Variants in CUL5 observed in about 807,000 individuals in gnomAD.
CUL5 encodes the protein cullin 5.
A neutral mutation model predicts 108.8 loss-of-function variants in CUL5; 26 were observed. The ratio of observed to expected loss-of-function variants is 0.24; its 90% CI spans 0.18 to 0.33. The LOEUF (loss-of-function observed/expected upper bound fraction) is 0.33, where lower values mean the gene tolerates loss of function less well. Ranked by LOEUF, CUL5 falls within the 10% of genes least tolerant of loss-of-function variation. The pLI is 1.00. For synonymous variants in CUL5, 334 were observed against 298.0 expected (o/e 1.12, Z -1.25); for missense variants, 524 against 909.2 (o/e 0.58, Z 5.45).
rs937722588 is a variant in CUL5 at position 108,020,543 on chromosome 11, T to TG, written c.24+11171_24+11172insG. Among the ~76,000 whole-genome samples the TG allele has an allele frequency of 1.9e-3, 285 of 151,326 alleles. 1 individual carries two copies. The highest frequency in any genetic ancestry group is 0.011 in the East Asian group (57 of 5,152). On this transcript the variant is annotated intron_variant, in intron 1 of 18. Transcript: ENST00000393094. ...AGCTGAATGTGTTTGTGATTTTTTT[T>TG]TTTTTGTTTTTTGTTTAAAATAGAG...
intron 13 of CUL5, among the ~76,000 whole-genome samples, chr11:108,092,672 A>G (rs929657421): frequency 1.3e-5 from 2 of 152,226 alleles, no homozygotes; most frequent in Non-Finnish European, 2.9e-5. Flanking sequence ...AGTTGGGGCC[A>G]GGAGGGGAAA....
At chr11:108,073,788 C>T (rs1478398421) in intron 10 of CUL5, 1 of 174,954 alleles carries the variant, frequency 5.7e-6, no homozygotes, top group Non-Finnish European at 1.2e-5. Flanking sequence ...TCCTATTCAT[C>T]CTTCCATTAA....
At chr11:108,046,999 C>T (rs1435123743) in intron 3 of CUL5, among the ~76,000 whole-genome samples, 3 of 152,004 alleles carry the variant, frequency 2.0e-5, no homozygotes, top group Admixed American at 6.6e-5. Context: ...ACCCTAAGGA[C>T]GTGAGATTAT....
intron 2 of CUL5, among the ~76,000 whole-genome samples, chr11:108,037,010 A>T (rs1565239764): frequency 6.6e-6 from 1 of 152,000 alleles, no homozygotes; most frequent in Non-Finnish European, 1.5e-5. Context: ...TGATCTTGCT[A>T]TTATTTTTTC....
intron 13 of CUL5, among the ~76,000 whole-genome samples, chr11:108,093,548 A>G (rs1864410391): frequency 6.6e-6 from 1 of 151,840 alleles, no homozygotes; most frequent in Non-Finnish European, 1.5e-5. Flanking sequence ...GTTTACTTTT[A>G]TATCTTTGCC....
chr11:108,102,403 T>C (rs1864694930), intron 18 of CUL5, among the ~76,000 whole-genome samples: 1 of 152,192 alleles, frequency 6.6e-6, no homozygotes, highest in Admixed American at 6.5e-5. Context: ...CTCAGCTCAC[T>C]GCAACCTCTG....
intron 11 of CUL5, among the ~76,000 whole-genome samples, chr11:108,080,349 A>G (rs1008610545): frequency 6.6e-6 from 1 of 152,030 alleles, no homozygotes. Flanking sequence ...TCAGCCTCCC[A>G]AAGTGTTGAG....
At chr11:108,042,674 C>T (rs1049240639) in intron 2 of CUL5, among the ~76,000 whole-genome samples, 2 of 152,132 alleles carry the variant, frequency 1.3e-5, no homozygotes, top group African/African-American at 4.8e-5. Flanking sequence ...TCTCACTCAC[C>T]CTTACCCTGT....
At chr11:108,012,416 C>T (rs1237744457) in intron 1 of CUL5, among the ~76,000 whole-genome samples, 1 of 151,638 alleles carries the variant, frequency 6.6e-6, no homozygotes, top group Non-Finnish European at 1.5e-5. Flanking sequence ...TTTCTTGTTT[C>T]TCCTATGTTC....
At chr11:108,069,189 C>A (rs763961160) in intron 7 of CUL5, among the ~76,000 whole-genome samples, 1 of 152,132 alleles carries the variant, frequency 6.6e-6, no homozygotes, top group Admixed American at 6.5e-5. Context: ...CCTAGGAGTT[C>A]AAGGCTGTAG....
chr11:108,042,674 C>G (rs1049240639), intron 2 of CUL5, among the ~76,000 whole-genome samples: 1 of 152,132 alleles, frequency 6.6e-6, no homozygotes, highest in South Asian at 2.1e-4. Context: ...TCTCACTCAC[C>G]CTTACCCTGT....
At chr11:108,076,926 G>A (rs957728441) in intron 10 of CUL5, among the ~76,000 whole-genome samples, 5 of 152,212 alleles carry the variant, frequency 3.3e-5, no homozygotes, top group Non-Finnish European at 7.3e-5. Context: ...GTTGCAGAGA[G>A]ATCAGAAACT....
intron 7 of CUL5, among the ~76,000 whole-genome samples, chr11:108,065,835 C>G (rs1863663632): frequency 6.6e-6 from 1 of 151,856 alleles, no homozygotes; most frequent in African/African-American, 2.4e-5. Context: ...TTTGGTGTTC[C>G]TGCAGGAGGA....
chr11:108,052,053 C>A (rs1162058463), intron 4 of CUL5, among the ~76,000 whole-genome samples: 1 of 152,062 alleles, frequency 6.6e-6, no homozygotes, highest in Non-Finnish European at 1.5e-5. Context: ...GCAGCCTTGC[C>A]CTCCTGGACT....
chr11:108,054,342 C>A (rs1863319179), intron 5 of CUL5, among the ~76,000 whole-genome samples: 2 of 152,136 alleles, frequency 1.3e-5, no homozygotes, highest in Non-Finnish European at 1.5e-5. Context: ...CTAGTTTATT[C>A]TTTAAGATTC....
intron 11 of CUL5, among the ~76,000 whole-genome samples, chr11:108,078,912 G>A (rs981235977): frequency 2.6e-5 from 4 of 152,048 alleles, no homozygotes; most frequent in African/African-American, 9.7e-5. Flanking sequence ...TGTTGCTTGA[G>A]TAATATTACA....
At chr11:108,057,540 G>A (rs950280963) in intron 7 of CUL5, among the ~76,000 whole-genome samples, 3 of 152,144 alleles carry the variant, frequency 2.0e-5, no homozygotes, top group African/African-American at 7.2e-5. Context: ...CCAAAAATGT[G>A]TAATCTTACT....
At chr11:108,050,505 T>A (rs1432359269) in intron 4 of CUL5, among the ~76,000 whole-genome samples, 1 of 152,124 alleles carries the variant, frequency 6.6e-6, no homozygotes, top group African/African-American at 2.4e-5. Context: ...TAGCTGGGAC[T>A]ACAGGCACGT....
intron 11 of CUL5, among the ~76,000 whole-genome samples, chr11:108,080,236 A>G (rs1565262330): frequency 6.6e-6 from 1 of 151,570 alleles, no homozygotes; most frequent in Non-Finnish European, 1.5e-5. Flanking sequence ...AGCTGGGACT[A>G]TAAGCACACA....
Sources: allele counts gnomAD v4.1 joint callset (sites outside exome capture counted in the v4.1 genomes callset), GRCh38; gene constraint gnomAD v4.1.1; transcripts MANE v1.5; gene names NCBI Gene and HGNC (gene_info 2026-07-23, HGNC 2026-07-21).